CLUH: variants seen among roughly 807,000 people sequenced by gnomAD.
CLUH encodes clustered mitochondria protein homolog.
A neutral mutation model predicts 139.3 loss-of-function variants in CLUH; 77 were observed. The observed-to-expected ratio is 0.55, with a 90% confidence interval of 0.46 to 0.67. The LOEUF is 0.67. Among genes scored for constraint, CLUH ranks in the 30% least tolerant of loss-of-function variants. The pLI is 0.00. For missense variants in CLUH, 1,876 were observed against 1,875.8 expected (o/e 1.00, Z 0.00); for synonymous variants, 999 against 801.6 (o/e 1.25, Z -4.16).
Position 2,698,010 on chromosome 17 carries a change from G to A in CLUH, c.1847C>T (p.Pro616Leu), listed in dbSNP as rs1220183073. The part of the protein sequence containing the change: ...RTFPPDLNFL[P>L]VPGEELPEEC... ...CTCAGGCAGCTCCTCGCCAGGCACG[G>A]GCAGGAAGTTGAGGTCCGGGGGGAA... The change falls in exon 10 of 26, where the codon CCC (proline) becomes CTC (leucine). Residue 616 changes from proline (P) to leucine (L), a missense_variant. Coordinates refer to ENST00000651024, the MANE Select transcript of CLUH (RefSeq NM_001366661.1). The A allele has an allele frequency of 5.6e-6, 9 of 1,601,964 alleles. No homozygotes were observed. Among genetic ancestry groups the A allele is most frequent in the Non-Finnish European group, 7.6e-6 (9 of 1,178,096 alleles).
At position 2,701,238 on chromosome 17, in the gene CLUH, C is replaced by T; in HGVS notation, c.927G>A (p.Lys309=). ...GGCTTAGGAAGCGGGGGCTGGCGGGCTTGGGGTTGAAGTGATAAGCTGTGG... is the reference window on the plus strand; with the variant it reads ...GGCTTAGGAAGCGGGGGCTGGCGGGTTTGGGGTTGAAGTGATAAGCTGTGG... ...NQSTAYHFNP[K]PASPRFLSHS... Residue 309 remains lysine, a synonymous_variant, in exon 7 of 26, where the codon AAG becomes AAA. Transcript: ENST00000651024. 3 of 1,613,296 alleles carry T rather than the reference C, an allele frequency of 1.9e-6. No individual in the cohort carries two copies. The highest frequency in any genetic ancestry group is 2.5e-6 in the Non-Finnish European group (3 of 1,179,642).
chr17:2,693,500 CCTGG>C (rs2069798807), intron 19 of CLUH, among the ~76,000 whole-genome samples: 1 of 107,206 alleles, frequency 9.3e-6, no homozygotes. Context: ...CTGAAACAGC[CCTGG>C]CCAGGCAGGG....
At position 2,690,636 on chromosome 17, in the gene CLUH, C is replaced by A; in HGVS notation, c.4005G>T (p.Gln1335His). The A allele has an allele frequency of 6.6e-7, 1 of 1,509,880 alleles. No homozygotes were observed. The highest frequency in any genetic ancestry group is 2.6e-5 in the East Asian group (1 of 38,620). The allele number at this position is 1,509,880 out of a possible 1,614,324, so 93.5% of individuals were successfully genotyped here. Residue 1335 changes from glutamine to histidine, a missense_variant, in exon 26 of 26, where the codon CAG (glutamine) becomes CAT (histidine). Transcript: ENST00000651024. ...PAGAPGDLGS[Q>H]PPAAKDPSPS... ...GAGAAGGGTCCTTGGCAGCCGGGGG[C>A]TGGGAGCCCAGGTCTCCTGGGGCCC...
At position 2,690,690 on chromosome 17, in the gene CLUH, C is replaced by A; in HGVS notation, c.3951G>T (p.Glu1317Asp). The A allele has an allele frequency of 6.4e-7, 1 of 1,564,880 alleles. No individual in the cohort carries two copies. The highest frequency in any genetic ancestry group is 8.6e-7 in the Non-Finnish European group (1 of 1,162,178). Residue 1317 changes from glutamate to aspartate, a missense_variant, in exon 26 of 26, where the codon GAG becomes GAT. Glu to Asp is a conservative substitution (Grantham distance 45, BLOSUM62 2). This residue lies in a region of CLUH where 1,454 missense variants were observed against 1,384.4 expected (regional missense o/e 1.05). Coordinates refer to ENST00000651024, the MANE Select transcript of CLUH (RefSeq NM_001366661.1). ...CTGGCGCGGGCTCGGTAGCCATGGG[C>A]TCCTCGGCTCTATCCCTGTTTCTGC... is the stretch of plus-strand genomic sequence containing the variant. ...EASRNRDRAEEPMATEPAPAG... is the reference protein window; with the variant it reads ...EASRNRDRAEDPMATEPAPAG...
chr17:2,702,335 C>G (rs2070216384), intron 3 of CLUH, among the ~76,000 whole-genome samples: 1 of 152,212 alleles, frequency 6.6e-6, no homozygotes, highest in African/African-American at 2.4e-5. Context: ...CCTCAGGCGT[C>G]CACAAGGCTG....
Position 2,696,702 on chromosome 17 carries a change from A to C in CLUH, c.2185+17T>G. ...GGCCAGCCCGGGCTCTCTCCCGGCC[A>C]TCTGCAGCAGCCCCACCTGTGCCGT... On this transcript the variant is annotated intron_variant, in intron 11 of 25. Transcript: ENST00000651024. The C allele has an allele frequency of 1.2e-6, 2 of 1,610,640 alleles. No individual in the cohort carries two copies. Among genetic ancestry groups the C allele is most frequent in the Non-Finnish European group, 1.7e-6 (2 of 1,179,106 alleles).
intron 10 of CLUH, 89 bp from the exon 11 acceptor site, chr17:2,697,031 C>T: frequency 2.9e-6 from 3 of 1,020,760 alleles, no homozygotes; most frequent in East Asian, 5.3e-5. Flanking sequence ...TGGGGCTCCA[C>T]ACCCCGCAGG....
Position 2,702,020 on chromosome 17 carries a change from G to T in CLUH, c.513C>A (p.Arg171=). 1 of 1,613,940 alleles carries T rather than the reference G, an allele frequency of 6.2e-7. No homozygotes were observed. Among genetic ancestry groups the T allele is most frequent in the Non-Finnish European group, 8.5e-7 (1 of 1,179,888 alleles). ...YTVREARIHV[R]HVRDLLKSLD... ...GGCTCTTGAGCAGGTCTCGGACATG[G>T]CGCACGTGGATGCGGGCCTCACGCA... Residue 171 remains arginine (R), a synonymous_variant, in exon 4 of 26, where the codon CGC becomes CGA. Coordinates refer to ENST00000651024, the MANE Select transcript of CLUH (RefSeq NM_001366661.1).
In CLUH at chr17:2,707,737, C is replaced by A; in HGVS notation, c.101-3173G>T. ...CAGCTGGCACAGACCCGGGTCCAGG[C>A]CATAAGGTGGCTGCCTCTGCCCACC... On this transcript the variant is annotated intron_variant, in intron 1 of 25. Coordinates refer to ENST00000651024, the MANE Select transcript of CLUH (RefSeq NM_001366661.1). This position sits in a 1 kb window ranked among gnomAD's most constrained non-coding sequence, Gnocchi z 7.4. 2.0e-6 allele frequency: 2 copies of A among 985,416 alleles called. No individual in the cohort carries two copies. Among genetic ancestry groups the A allele is most frequent in the Non-Finnish European group, 2.4e-6 (2 of 829,904 alleles). 61.0% of individuals were successfully genotyped at this position (985,416 alleles called of 1,614,324 possible). A position where few individuals can be genotyped will look rare whatever the true frequency, so the allele number is the denominator to read the frequency against.
chr17:2,696,324 C>T lies in CLUH; in HGVS notation c.2291-65G>A, dbSNP rs140166456. 1,269 of 1,501,796 alleles carry T rather than the reference C, an allele frequency of 8.4e-4. 11 individuals carry two copies. The African/African-American group carries it at 0.014, about 17-fold the overall frequency. 93.0% of individuals were successfully genotyped at this position (1,501,796 alleles called of 1,614,324 possible). On this transcript the variant is annotated intron_variant, in intron 12 of 25. Coordinates refer to ENST00000651024, the MANE Select transcript of CLUH (RefSeq NM_001366661.1). ...CAAGACAAATGCCGCCTGGCGCTGGCGGGGGAAGCGCTCAGATGGGGGACA... is the reference window on the plus strand; with the variant it reads ...CAAGACAAATGCCGCCTGGCGCTGGTGGGGGAAGCGCTCAGATGGGGGACA...
In CLUH at chr17:2,694,423, AGGGACGCAGCG is replaced by A. The variant is rs1023523500; in HGVS notation, c.2937+46_2937+56del. The A allele has an allele frequency of 6.7e-5, 84 of 1,247,856 alleles. 1 individual carries two copies. The highest frequency in any genetic ancestry group is 6.4e-4 in the African/African-American group (42 of 66,118). The allele number at this position is 1,247,856 out of a possible 1,614,324, so 77.3% of individuals were successfully genotyped here. A position where few individuals can be genotyped will look rare whatever the true frequency, so the allele number is the denominator to read the frequency against. On this transcript the variant is annotated intron_variant, in intron 17 of 25. Transcript: ENST00000651024. Reference sequence around the variant, plus strand: ...CTGGCCAGGAGTGGGAGCCTGCAGCAGGGACGCAGCGGGGACACAGCGGGGACACAGCGGGG... The same window carrying A: ...CTGGCCAGGAGTGGGAGCCTGCAGCAGGGACACAGCGGGGACACAGCGGGG...
Position 2,698,015 on chromosome 17 carries a change from G to A in CLUH, c.1842C>T (p.Phe614=). Residue 614 remains phenylalanine, a synonymous_variant, in exon 10 of 26, where the codon TTC becomes TTT. Coordinates refer to ENST00000651024, the MANE Select transcript of CLUH (RefSeq NM_001366661.1). ...GCAGCTCCTCGCCAGGCACGGGCAG[G>A]AAGTTGAGGTCCGGGGGGAAGGTGC... ...LLRTFPPDLN[F]LPVPGEELPE... 1 of 1,603,136 alleles carries A rather than the reference G, an allele frequency of 6.2e-7. No individual in the cohort carries two copies. The highest frequency in any genetic ancestry group is 1.7e-5 in the Admixed American group (1 of 59,540).
At position 2,697,876 on chromosome 17, in the gene CLUH, C is replaced by T; in HGVS notation, c.1961+20G>A. ...CCCTGCAGCTGGCCCCGGCCCTGGT[C>T]CGGCAGGGCCGCCCCTCACCTGTGC... On this transcript the variant is annotated intron_variant, in intron 10 of 25. Coordinates refer to ENST00000651024, the MANE Select transcript of CLUH (RefSeq NM_001366661.1). The T allele has an allele frequency of 6.9e-7, 1 of 1,458,262 alleles. No homozygotes were observed. Among genetic ancestry groups the T allele is most frequent in the Non-Finnish European group, 9.0e-7 (1 of 1,107,512 alleles). The allele number at this position is 1,458,262 out of a possible 1,614,324, so 90.3% of individuals were successfully genotyped here.
intron 1 of CLUH, among the ~76,000 whole-genome samples, chr17:2,710,818 C>T (rs2070492528): frequency 6.6e-6 from 1 of 152,236 alleles, no homozygotes; most frequent in Non-Finnish European, 1.5e-5. Flanking sequence ...AAAACAGCAA[C>T]TCTGGTCTGA....
At chr17:2,710,384 C>G (rs910693827) in intron 1 of CLUH, among the ~76,000 whole-genome samples, 4 of 152,234 alleles carry the variant, frequency 2.6e-5, no homozygotes, top group Non-Finnish European at 5.9e-5. Flanking sequence ...CAAGGCAACT[C>G]CGCTATGATG....
Position 2,707,768 on chromosome 17 carries a change from C to T in CLUH, c.101-3204G>A. ...GGTGGCTGCCTCTGCCCACCAGTCCCAGACACTGAGCACCCCACTGTCCCT... is the reference window on the plus strand; with the variant it reads ...GGTGGCTGCCTCTGCCCACCAGTCCTAGACACTGAGCACCCCACTGTCCCT... On this transcript the variant is annotated intron_variant, in intron 1 of 25. Transcript: ENST00000651024. This position sits in a 1 kb window ranked among gnomAD's most constrained non-coding sequence, Gnocchi z 7.4. 3.0e-6 allele frequency: 3 copies of T among 985,450 alleles called. No homozygotes were observed. Among genetic ancestry groups the T allele is most frequent in the Non-Finnish European group, 3.6e-6 (3 of 829,916 alleles). 61.0% of individuals were successfully genotyped at this position (985,450 alleles called of 1,614,324 possible). A position where few individuals can be genotyped will look rare whatever the true frequency, so the allele number is the denominator to read the frequency against.
intron 22 of CLUH, 56 bp from the exon 23 acceptor site, chr17:2,692,153 G>A (rs1454420552): frequency 1.3e-6 from 2 of 1,518,204 alleles, no homozygotes; most frequent in Non-Finnish European, 8.9e-7. Context: ...TGGGTGTGGG[G>A]GCCTGACTCG....
chr17:2,691,984 G>GCCCCCCGC lies in CLUH; in HGVS notation c.3654+19_3654+20insGCGGGGGG, dbSNP rs757172508. The GCCCCCCGC allele has an allele frequency of 1.2e-4, 57 of 487,284 alleles. No homozygotes were observed. In the South Asian group the frequency reaches 3.1e-3, roughly 26 times the overall value. The allele number at this position is 487,284 out of a possible 1,614,324, so 30.2% of individuals were successfully genotyped here. On this transcript the variant is annotated intron_variant, in intron 23 of 25. Coordinates refer to ENST00000651024, the MANE Select transcript of CLUH (RefSeq NM_001366661.1). Reference sequence around the variant, plus strand: ...ACGCCCCCGCCCCGCCCCCGCCCCCGCCACGCCCCCGCCGCGCACCTGCGT... The same window carrying GCCCCCCGC: ...ACGCCCCCGCCCCGCCCCCGCCCCCGCCCCCCGCCCACGCCCCCGCCGCGCACCTGCGT...
intron 19 of CLUH, 142 bp downstream of exon 19, chr17:2,693,758 G>C: frequency 9.4e-7 from 1 of 1,066,798 alleles, no homozygotes; most frequent in South Asian, 1.6e-5. Flanking sequence ...AGTTACAGAG[G>C]GGTGGAGCCA....
Sources: gnomAD v4.1 joint callset for allele counts (sites outside exome capture counted in the v4.1 genomes callset) on GRCh38, gnomAD v4.1.1 for gene constraint, gnomAD v4.1.1 regional missense constraint, Gnocchi (gnomAD v3.1) non-coding constraint, MANE v1.5 for transcripts, NCBI Gene and HGNC (gene_info 2026-07-23, HGNC 2026-07-21) for gene names.